The following WDR19 variants were observed in gnomAD, a reference collection of about 807,000 sequenced individuals.
WDR19 encodes WD repeat domain 19.
WDR19 carries 121 observed loss-of-function variants against 180.0 expected under a neutral mutation model. The ratio of observed to expected loss-of-function variants is 0.67; its 90% confidence interval spans 0.58 to 0.78. WDR19 has a LOEUF of 0.78. WDR19 is among the 30% of genes least tolerant of loss of function. The pLI is 0.00. For missense variants in WDR19, 1,450 were observed against 1,640.7 expected (o/e 0.88, Z 2.01); for synonymous variants, 497 against 540.7 (o/e 0.92, Z 1.12).
chr4:39,237,409 A>G (rs1309322922), intron 20 of WDR19, among the ~76,000 whole-genome samples: 2 of 151,992 alleles, frequency 1.3e-5, no homozygotes, highest in Non-Finnish European at 2.9e-5. Context: ...AGAAAAAAAA[A>G]AGAAAAGCTA....
chr4:39,215,414 T>C (rs1728966746), intron 10 of WDR19, among the ~76,000 whole-genome samples: 1 of 152,152 alleles, frequency 6.6e-6, no homozygotes, highest in Non-Finnish European at 1.5e-5. Flanking sequence ...AAGTACTTAC[T>C]GCTGTGTTAC....
chr4:39,204,365 G>A (rs1046525219), intron 7 of WDR19, among the ~76,000 whole-genome samples: 2 of 152,102 alleles, frequency 1.3e-5, no homozygotes, highest in South Asian at 2.1e-4. Flanking sequence ...GATTACAGGC[G>A]TGAGCCACCG....
chr4:39,224,838 T>C, intron 14 of WDR19, 46 bp from the exon 15 acceptor site: 1 of 1,445,608 alleles, frequency 6.9e-7, no homozygotes, highest in Non-Finnish European at 9.2e-7. Context: ...AGGATTTCCT[T>C]GACTACCTTT....
intron 20 of WDR19, 52 bp downstream of exon 20, chr4:39,234,927 C>T: frequency 1.7e-6 from 2 of 1,149,858 alleles, no homozygotes; most frequent in Non-Finnish European, 2.5e-6. Flanking sequence ...CTGCAAATAT[C>T]TTCAGTTCGA....
chr4:39,271,752 G>T (rs1735404850), intron 31 of WDR19, among the ~76,000 whole-genome samples: 1 of 152,062 alleles, frequency 6.6e-6, no homozygotes, highest in Non-Finnish European at 1.5e-5. Flanking sequence ...GTCCACAAGA[G>T]CAGTCATGTT....
At chr4:39,255,534 G>A (rs1048138753) in intron 26 of WDR19, among the ~76,000 whole-genome samples, 7 of 152,004 alleles carry the variant, frequency 4.6e-5, no homozygotes, top group Non-Finnish European at 1.0e-4. Context: ...TTCCCTACTT[G>A]TCTGACAAAT....
At chr4:39,203,247 G>C (rs192003531) in intron 6 of WDR19, among the ~76,000 whole-genome samples, 2 of 151,192 alleles carry the variant, frequency 1.3e-5, no homozygotes, top group Non-Finnish European at 2.9e-5. Flanking sequence ...TTACAGATAT[G>C]AGCCACCGCA....
intron 13 of WDR19, 66 bp downstream of exon 13, chr4:39,217,306 C>G: frequency 7.8e-7 from 1 of 1,290,174 alleles, no homozygotes; most frequent in Non-Finnish European, 1.1e-6. Context: ...GTCTGATTAT[C>G]AAGAATATTG....
intron 20 of WDR19, among the ~76,000 whole-genome samples, chr4:39,240,016 T>C (rs1261344987): frequency 6.6e-6 from 1 of 151,864 alleles, no homozygotes; most frequent in Non-Finnish European, 1.5e-5. Context: ...CTACAAAACA[T>C]TCTTTTAAAA....
At position 39,217,967 on chromosome 4, in the gene WDR19, ATTC is replaced by A. The variant is rs1422246161; in HGVS notation, c.1357-13_1357-11del. 6.2e-7 allele frequency: 1 copy of A among 1,613,054 alleles called. No individual in the cohort carries two copies. Among genetic ancestry groups the A allele is most frequent in the Non-Finnish European group, 8.5e-7 (1 of 1,179,558 alleles). On this transcript the variant is annotated splice_polypyrimidine_tract_variant and intron_variant, in intron 13 of 36. Transcript: ENST00000399820. The stretch of plus-strand genomic sequence containing the variant: ...TCAAATAAATCTGTGAGCCATTATT[ATTC>A]TTTACGTTTTAGATAGAAAGCGAAA...
At chr4:39,268,291 G>A (rs889266159) in intron 30 of WDR19, among the ~76,000 whole-genome samples, 200 bp downstream of exon 30, 1 of 152,166 alleles carries the variant, frequency 6.6e-6, no homozygotes, top group African/African-American at 2.4e-5. Flanking sequence ...AAATGTAAGA[G>A]ACTAAGACCA....
Position 39,255,889 on chromosome 4 carries a change from T to A in WDR19, c.3043T>A (p.Leu1015Ile). 1 of 1,608,286 alleles carries A rather than the reference T, an allele frequency of 6.2e-7. No individual in the cohort carries two copies. The highest frequency in any genetic ancestry group is 1.1e-5 in the South Asian group (1 of 89,546). ...TTNEDYQSIA[L>I]YFEGEKRYLQ... ...TAATGAAGACTATCAAAGCATTGCCTTATACTTTGAAGGAGAAAAGAGATA... is the reference window on the plus strand; with the variant it reads ...TAATGAAGACTATCAAAGCATTGCCATATACTTTGAAGGAGAAAAGAGATA... Residue 1015 changes from leucine (L) to isoleucine (I), a missense_variant, in exon 27 of 37, where the codon TTA becomes ATA. Leu to Ile is a conservative substitution (Grantham distance 5). Transcript: ENST00000399820.
intron 23 of WDR19, 49 bp from the exon 24 acceptor site, chr4:39,245,320 T>C: frequency 6.9e-7 from 1 of 1,454,514 alleles, no homozygotes; most frequent in South Asian, 1.3e-5. Context: ...CAGGCTACTT[T>C]TGGAGTGAAC....
At chr4:39,189,629 G>A in intron 3 of WDR19, 27 bp from the exon 4 acceptor site, 1 of 1,559,800 alleles carries the variant, frequency 6.4e-7, no homozygotes. Context: ...AAACTGTATA[G>A]TGGTATTTTG....
intron 9 of WDR19, among the ~76,000 whole-genome samples, chr4:39,208,879 A>G (rs1577881968): frequency 1.3e-5 from 2 of 152,172 alleles, no homozygotes; most frequent in East Asian, 3.9e-4. Flanking sequence ...GGACTTGAGC[A>G]TCTGTGGATT....
intron 36 of WDR19, 100 bp downstream of exon 36, chr4:39,278,763 T>C: frequency 1.7e-6 from 1 of 582,798 alleles, no homozygotes; most frequent in Non-Finnish European, 3.0e-6. Context: ...CAGTGCACCA[T>C]GGAACTTGCC....
chr4:39,214,217 G>C (rs1728828264), intron 9 of WDR19, among the ~76,000 whole-genome samples: 1 of 151,962 alleles, frequency 6.6e-6, no homozygotes, highest in African/African-American at 2.4e-5. Flanking sequence ...GGGGAGAAAG[G>C]GAACACATTG....
intron 36 of WDR19, 73 bp downstream of exon 36, chr4:39,278,736 T>C: frequency 1.2e-6 from 1 of 818,572 alleles, no homozygotes; most frequent in Non-Finnish European, 1.9e-6. Context: ...TCACTGTGTA[T>C]CAGCATCAAC....
intron 33 of WDR19, 37 bp from the exon 34 acceptor site, chr4:39,276,983 A>C (rs1389129178): frequency 6.2e-7 from 1 of 1,610,946 alleles, no homozygotes. Flanking sequence ...TACATGAATA[A>C]AACGGCATTT....
Sources: allele counts gnomAD v4.1 joint callset (sites outside exome capture counted in the v4.1 genomes callset), GRCh38; gene constraint gnomAD v4.1.1; transcripts MANE v1.5; gene names NCBI Gene and HGNC (gene_info 2026-07-23, HGNC 2026-07-21).